The following KIAA1549 variants were observed in gnomAD, a reference collection of about 807,000 sequenced individuals.
KIAA1549 encodes UPF0606 protein KIAA1549.
KIAA1549 carries 70 observed loss-of-function variants against 156.4 expected under a neutral mutation model. The observed-to-expected ratio is 0.45, with a 90% CI of 0.37 to 0.55. The LOEUF (loss-of-function observed/expected upper bound fraction) is 0.55, where lower values mean the gene tolerates loss of function less well. KIAA1549 is among the 20% of genes least tolerant of loss of function. KIAA1549 has a pLI of 0.00. For synonymous variants in KIAA1549, 1,103 were observed against 1,066.4 expected (o/e 1.03, Z -0.67); for missense variants, 2,428 against 2,540.9 (o/e 0.96, Z 0.96).
intron 1 of KIAA1549, among the ~76,000 whole-genome samples, chr7:138,966,549 T>C (rs566803401): frequency 1.6e-4 from 25 of 152,052 alleles, no homozygotes; most frequent in African/African-American, 6.0e-4. Flanking sequence ...GCAGGAAGCA[T>C]CCAGCATGGG....
chr7:138,869,184 C>A (rs572995497), intron 14 of KIAA1549, among the ~76,000 whole-genome samples: 94 of 152,224 alleles, frequency 6.2e-4, no homozygotes, highest in South Asian at 3.7e-3. Context: ...AAGGACACCA[C>A]AGAAGGAGCC....
intron 15 of KIAA1549, among the ~76,000 whole-genome samples, chr7:138,867,526 G>A (rs1244849442): frequency 6.6e-6 from 1 of 150,656 alleles, no homozygotes; most frequent in Non-Finnish European, 1.5e-5. Flanking sequence ...CTGCACTCCA[G>A]CCTGGGCAAC....
chr7:138,941,724 C>A (rs1813188956), intron 1 of KIAA1549, among the ~76,000 whole-genome samples: 1 of 152,170 alleles, frequency 6.6e-6, no homozygotes, highest in Non-Finnish European at 1.5e-5. Flanking sequence ...CTACACTTCC[C>A]CCTGGGTTAG....
chr7:138,845,326 C>G (rs1810043572), intron 17 of KIAA1549, among the ~76,000 whole-genome samples: 1 of 152,038 alleles, frequency 6.6e-6, no homozygotes, highest in African/African-American at 2.4e-5. Context: ...GAGTTTGCAT[C>G]CTGTCAGTTG....
intron 12 of KIAA1549, among the ~76,000 whole-genome samples, chr7:138,878,269 A>C (rs1358966016): frequency 6.6e-6 from 1 of 151,656 alleles, no homozygotes; most frequent in Non-Finnish European, 1.5e-5. Flanking sequence ...CAGTGAGAGG[A>C]GACAAGGACA....
chr7:138,938,509 T>C (rs1813083723), intron 1 of KIAA1549, among the ~76,000 whole-genome samples: 1 of 152,200 alleles, frequency 6.6e-6, no homozygotes, highest in Non-Finnish European at 1.5e-5. Flanking sequence ...ATTAACTCTC[T>C]AAGTGTCTAT....
chr7:138,900,571 T>C (rs1011619635), intron 8 of KIAA1549, among the ~76,000 whole-genome samples: 1 of 152,238 alleles, frequency 6.6e-6, no homozygotes, highest in South Asian at 2.1e-4. Context: ...AGTTTGGATG[T>C]TGGACCCCCT....
intron 1 of KIAA1549, among the ~76,000 whole-genome samples, chr7:138,952,582 G>A (rs1408359849): frequency 6.6e-6 from 1 of 152,212 alleles, no homozygotes; most frequent in African/African-American, 2.4e-5. Context: ...AAGGGCTGAC[G>A]TGAATTCCCA....
Position 138,871,183 on chromosome 7 carries a change from C to A in KIAA1549, c.4525G>T (p.Ala1509Ser), listed in dbSNP as rs1432914275. 1 of 1,612,928 alleles carries A rather than the reference C, an allele frequency of 6.2e-7. No homozygotes were observed. The highest frequency in any genetic ancestry group is 1.3e-5 in the African/African-American group (1 of 75,048). The part of the protein sequence containing the change: ...VQRPSPADRV[A>S]ESNKINKEIQ... ...TCTTTGTTGATTTTATTGCTTTCCG[C>A]CACTCGGTCGGCTGGGGAGGGGCGC... Residue 1509 changes from alanine (A) to serine (S), a missense_variant, in exon 13 of 20, where the codon GCG (alanine) becomes TCG (serine). Transcript: ENST00000422774.
chr7:138,918,043 A>T lies in KIAA1549; in HGVS notation c.1583T>A (p.Leu528His). Residue 528 changes from leucine (L) to histidine (H), a missense_variant, in exon 2 of 20, where the codon CTC becomes CAC. Leu to His is a moderately conservative substitution (Grantham distance 99, BLOSUM62 -3). This residue lies in a region of KIAA1549 where 893 missense variants were observed against 847.9 expected (regional missense o/e 1.05). Transcript: ENST00000422774. This position sits in a 1 kb window ranked among gnomAD's most constrained non-coding sequence, Gnocchi z 4.2. ...AGGATCAAGTGACGCCGGCACAGAG[A>T]GGCGGCCGTGGGCAGGGGGAACCTG... ...TTQVPPAHGR[L>H]SVPASLDPTA... 6.2e-7 allele frequency: 1 copy of T among 1,611,506 alleles called. No individual in the cohort carries two copies. Among genetic ancestry groups the T allele is most frequent in the Non-Finnish European group, 8.5e-7 (1 of 1,178,818 alleles).
intron 6 of KIAA1549, among the ~76,000 whole-genome samples, chr7:138,905,869 G>A (rs1011743456): frequency 6.6e-6 from 1 of 152,034 alleles, no homozygotes; most frequent in Non-Finnish European, 1.5e-5. Flanking sequence ...ACAGTTTTAT[G>A]GGTTTTGATA....
intron 2 of KIAA1549, among the ~76,000 whole-genome samples, chr7:138,914,851 G>A (rs1812270436): frequency 6.6e-6 from 1 of 152,186 alleles, no homozygotes; most frequent in Non-Finnish European, 1.5e-5. Context: ...GTCATTAAGT[G>A]TACACCACAT....
chr7:138,912,936 G>A (rs954859735), intron 2 of KIAA1549, among the ~76,000 whole-genome samples: 8 of 152,208 alleles, frequency 5.3e-5, no homozygotes, highest in South Asian at 2.1e-4. Flanking sequence ...GTGCAGTGGC[G>A]CAATCTTGGC....
At chr7:138,872,138 G>T (rs1411216542) in intron 12 of KIAA1549, among the ~76,000 whole-genome samples, 1 of 152,038 alleles carries the variant, frequency 6.6e-6, no homozygotes, top group Admixed American at 6.6e-5. Flanking sequence ...GTAGAGACAA[G>T]GTTTCACGAT....
At chr7:138,893,070 A>T (rs1445138959) in intron 10 of KIAA1549, among the ~76,000 whole-genome samples, 1 of 152,216 alleles carries the variant, frequency 6.6e-6, no homozygotes, top group African/African-American at 2.4e-5. Flanking sequence ...GTTTTTGCTC[A>T]CACCAGGTGA....
rs960024904 is a variant in KIAA1549, at chr7:138,888,695, G to C, written c.4032+5647C>G. On this transcript the variant is annotated intron_variant, in intron 10 of 19. Coordinates refer to ENST00000422774, the MANE Select transcript of KIAA1549 (RefSeq NM_001164665.2). ...GCAGATGAAAAATTAGGCAGGCTAA[G>C]AGGTAACCCTCCTGCACATTAAAAA... 2.0e-5 allele frequency among the ~76,000 whole-genome samples: 3 copies of C among 152,326 alleles called. No individual in the cohort carries two copies. In the Middle Eastern group the frequency reaches 0.01, roughly 518 times the overall value.
chr7:138,952,365 G>A (rs1483890891), intron 1 of KIAA1549, among the ~76,000 whole-genome samples: 1 of 152,198 alleles, frequency 6.6e-6, no homozygotes. Flanking sequence ...AAGAAATCAG[G>A]CTAAGGCAAG....
intron 10 of KIAA1549, among the ~76,000 whole-genome samples, chr7:138,890,288 T>C (rs1249890848): frequency 6.6e-6 from 1 of 152,204 alleles, no homozygotes; most frequent in Non-Finnish European, 1.5e-5. Flanking sequence ...GCCCACAGTA[T>C]TCGGGTTAGC....
At chr7:138,944,632 T>C (rs1200320770) in intron 1 of KIAA1549, among the ~76,000 whole-genome samples, 1 of 151,342 alleles carries the variant, frequency 6.6e-6, no homozygotes, top group Non-Finnish European at 1.5e-5. Flanking sequence ...CAACAGATGA[T>C]ATCAACCCAA....
Sources: gnomAD v4.1 joint callset for allele counts (sites outside exome capture counted in the v4.1 genomes callset) on GRCh38, gnomAD v4.1.1 for gene constraint, gnomAD v4.1.1 regional missense constraint, Gnocchi (gnomAD v3.1) non-coding constraint, MANE v1.5 for transcripts, NCBI Gene and HGNC (gene_info 2026-07-23, HGNC 2026-07-21) for gene names.